Variants in MTMR8 observed in about 807,000 individuals in gnomAD.
MTMR8 encodes myotubularin related protein 8.
In MTMR8, 65 loss-of-function variants were observed where a neutral mutation model predicts 39.3. That is an observed-to-expected ratio of 1.65 (90% CI 1.35 to 2.03). MTMR8 has a LOEUF of 2.03. Among genes scored for constraint, MTMR8 ranks in the 30% most tolerant of loss-of-function variants. The pLI is 0.00. For missense variants in MTMR8, 777 were observed against 538.9 expected, an observed-to-expected ratio of 1.44 and a Z score of -4.37; for synonymous variants, 245 against 185.2, an observed-to-expected ratio of 1.32 and a Z score of -2.62.
intron 12 of MTMR8, among the ~76,000 whole-genome samples, chrX:64,324,726 A>G (rs1317978767): frequency 9.7e-6 from 1 of 103,520 alleles, no homozygotes; most frequent in Non-Finnish European, 1.9e-5. Flanking sequence ...ATCTTATAAA[A>G]TGGCCCTACC....
chrX:64,372,371 A>G (rs1304866647), intron 1 of MTMR8, among the ~76,000 whole-genome samples: 3 of 111,013 alleles, frequency 2.7e-5, no homozygotes, highest in Non-Finnish European at 1.9e-5. Context: ...GTGTGTGTGT[A>G]TGGCTATATG....
At chrX:64,294,984 A>C (rs1921523464) in intron 12 of MTMR8, among the ~76,000 whole-genome samples, 1 of 111,200 alleles carries the variant, frequency 9.0e-6, no homozygotes, top group African/African-American at 3.3e-5. Context: ...AGAAGGGTGA[A>C]GTATTCTCAG....
At chrX:64,295,558 T>C (rs1921548070) in intron 12 of MTMR8, among the ~76,000 whole-genome samples, 1 of 111,351 alleles carries the variant, frequency 9.0e-6, no homozygotes, top group Non-Finnish European at 1.9e-5. Context: ...TTGCAGATCA[T>C]ATATATGGTA....
intron 12 of MTMR8, among the ~76,000 whole-genome samples, chrX:64,289,022 AAT>A (rs990814956): frequency 7.3e-5 from 8 of 109,586 alleles, no homozygotes; most frequent in South Asian, 3.8e-4. Context: ...TATAATAAAA[AAT>A]ATATATATAT....
Position 64,268,220 on chromosome X carries a change from T to C in MTMR8, c.*317A>G. 1 of 264,771 alleles carries C rather than the reference T, an allele frequency of 3.8e-6. No homozygotes were observed. The highest frequency in any genetic ancestry group is 6.6e-6 in the Non-Finnish European group (1 of 151,145). The allele number at this position is 264,771 out of a possible 1,213,427, so 21.8% of individuals were successfully genotyped here. ...ACATTACTGCAGTGAGGATAGAAAA[T>C]AGGGCAGGTCGATCATTAAGGAAAA... On this transcript the variant is annotated 3_prime_UTR_variant, in exon 14 of 14. Transcript: ENST00000374852.
chrX:64,297,277 C>G (rs1404504399), intron 12 of MTMR8, among the ~76,000 whole-genome samples: 2 of 108,212 alleles, frequency 1.8e-5, no homozygotes, highest in African/African-American at 6.7e-5. Context: ...GCCATTCTAA[C>G]TGGTGTGAGA....
intron 12 of MTMR8, among the ~76,000 whole-genome samples, chrX:64,325,459 C>T (rs745817063): frequency 2.7e-5 from 3 of 111,995 alleles, no homozygotes; most frequent in Non-Finnish European, 5.6e-5. Context: ...AAGTGGAACT[C>T]ATCCCAGGGA....
intron 12 of MTMR8, among the ~76,000 whole-genome samples, chrX:64,320,473 A>G (rs756567565): frequency 1.8e-5 from 2 of 110,755 alleles, no homozygotes; most frequent in Non-Finnish European, 3.8e-5. Flanking sequence ...TCCCTAAGGT[A>G]TGGGCTCAGG....
chrX:64,333,643 C>A (rs780068960), intron 10 of MTMR8, among the ~76,000 whole-genome samples: 11 of 111,540 alleles, frequency 9.9e-5, no homozygotes, highest in Non-Finnish European at 1.7e-4. Context: ...CAGACCCAAA[C>A]CCGACCCCTT....
At chrX:64,286,396 G>A (rs1921178134) in intron 12 of MTMR8, among the ~76,000 whole-genome samples, 2 of 112,018 alleles carry the variant, frequency 1.8e-5, no homozygotes, top group Non-Finnish European at 3.8e-5. Flanking sequence ...AGGAGGAGCT[G>A]GTACCATTCC....
rs188930534 is a variant in MTMR8, at chrX:64,355,933, T to C, written c.310+243A>G. 3.7e-4 allele frequency among the ~76,000 whole-genome samples: 41 copies of C among 111,258 alleles called. No individual in the cohort carries two copies. The East Asian group carries it at 9.4e-3, about 26-fold the overall frequency. ...GAAAATATCTATTAAACATCTACTA[T>C]ATACTAATACATGAAGGTATTCAAG... On this transcript the variant is annotated intron_variant, in intron 3 of 13. Transcript: ENST00000374852.
chrX:64,275,180 T>C (rs1282701316), intron 12 of MTMR8, among the ~76,000 whole-genome samples: 1 of 111,003 alleles, frequency 9.0e-6, no homozygotes, highest in African/African-American at 3.3e-5. Flanking sequence ...TATACAATTA[T>C]GACTGGCCAA....
chrX:64,285,373 G>A (rs1921123222), intron 12 of MTMR8, among the ~76,000 whole-genome samples: 1 of 110,962 alleles, frequency 9.0e-6, no homozygotes, highest in Admixed American at 9.6e-5. Flanking sequence ...CAATAATAAT[G>A]GGAGACTTTA....
intron 12 of MTMR8, among the ~76,000 whole-genome samples, chrX:64,300,225 G>C (rs1423319991): frequency 9.1e-6 from 1 of 109,562 alleles, no homozygotes; most frequent in African/African-American, 3.3e-5. Context: ...AAGTCTCTTT[G>C]TAGGTCACTC....
At chrX:64,280,153 A>G (rs1378214844) in intron 12 of MTMR8, among the ~76,000 whole-genome samples, 1 of 112,188 alleles carries the variant, frequency 8.9e-6, no homozygotes, top group South Asian at 3.7e-4. Context: ...TTCTGAAACT[A>G]TTCCAAACAA....
At chrX:64,340,599 G>C (rs1164200223) in intron 8 of MTMR8, among the ~76,000 whole-genome samples, 2 of 111,613 alleles carry the variant, frequency 1.8e-5, no homozygotes, top group African/African-American at 6.5e-5. Context: ...CGTATTCCTA[G>C]AAAGGTAGTC....
intron 1 of MTMR8, among the ~76,000 whole-genome samples, chrX:64,385,152 C>T (rs1332604204): frequency 8.9e-6 from 1 of 112,142 alleles, no homozygotes; most frequent in African/African-American, 3.2e-5. Context: ...TTCCACAGAT[C>T]CCTAGGGCAT....
At chrX:64,344,820 C>G (rs779600480) in intron 7 of MTMR8, among the ~76,000 whole-genome samples, 1 of 111,593 alleles carries the variant, frequency 9.0e-6, no homozygotes, top group South Asian at 3.9e-4. Flanking sequence ...CCCAGATGAA[C>G]TTTATTGAAT....
intron 12 of MTMR8, among the ~76,000 whole-genome samples, chrX:64,272,302 A>G (rs1181534315): frequency 8.9e-6 from 1 of 112,035 alleles, no homozygotes; most frequent in Non-Finnish European, 1.9e-5. Flanking sequence ...AGAACAATCC[A>G]TGAACAAAAT....
Sources: allele counts gnomAD v4.1 joint callset (sites outside exome capture counted in the v4.1 genomes callset), GRCh38; gene constraint gnomAD v4.1.1; transcripts MANE v1.5; gene names NCBI Gene and HGNC (gene_info 2026-07-23, HGNC 2026-07-21).